Variants in ABLIM1 observed in about 807,000 individuals in gnomAD.
ABLIM1 encodes the protein actin-binding LIM protein 1.
ABLIM1 carries 40 observed loss-of-function variants against 107.0 expected under a neutral mutation model. The observed-to-expected ratio is 0.37, with a 90% confidence interval of 0.29 to 0.49. The LOEUF (loss-of-function observed/expected upper bound fraction) is 0.49, where lower values mean the gene tolerates loss of function less well. ABLIM1 is among the 20% of genes least tolerant of loss of function. The pLI is 0.97. For synonymous variants in ABLIM1, 357 were observed against 357.3 expected (o/e 1.00, Z 0.01); for missense variants, 857 against 1,008.5 (o/e 0.85, Z 2.04).
chr10:114,636,045 G>A (rs1164149093), intron 1 of ABLIM1, among the ~76,000 whole-genome samples: 12 of 152,192 alleles, frequency 7.9e-5, no homozygotes, highest in Admixed American at 2.6e-4. Flanking sequence ...ACCATCTAGC[G>A]GAGGAGATAT....
chr10:114,685,726 C>T (rs2080918551), upstream of ABLIM1, among the ~76,000 whole-genome samples: 2 of 152,200 alleles, frequency 1.3e-5, no homozygotes, highest in South Asian at 2.1e-4. Context: ...TGCCAAAGGC[C>T]AGTCGCATCA....
rs1435627884 is a variant in ABLIM1 at position 114,433,470 on chromosome 10, C to T, written c.*2790G>A. On this transcript the variant is annotated 3_prime_UTR_variant, in exon 23 of 23. Coordinates refer to ENST00000533213, the MANE Select transcript of ABLIM1 (RefSeq NM_002313.7). ...GGTTTCCAATGACCCCTCCCCAGAG[C>T]AGAGCACTACTCTGCTTGCAGATAG... is the stretch of plus-strand genomic sequence containing the variant. 6.6e-6 allele frequency: 1 copy of T among 152,220 alleles called. No individual in the cohort carries two copies. Among genetic ancestry groups the T allele is most frequent in the Non-Finnish European group, 1.5e-5 (1 of 68,042 alleles). The allele number at this position is 152,220 out of a possible 1,614,324, so 9.4% of individuals were successfully genotyped here. A position where few individuals can be genotyped will look rare whatever the true frequency, so the allele number is the denominator to read the frequency against.
At chr10:114,493,114 G>A (rs1465378483) in intron 6 of ABLIM1, among the ~76,000 whole-genome samples, 1 of 152,116 alleles carries the variant, frequency 6.6e-6, no homozygotes, top group African/African-American at 2.4e-5. Flanking sequence ...GGAGGAGAGT[G>A]GCGAGAGAAG....
At chr10:114,696,182 T>C (rs2081189824) in intron 1 of ABLIM1, among the ~76,000 whole-genome samples, 1 of 152,200 alleles carries the variant, frequency 6.6e-6, no homozygotes, top group South Asian at 2.1e-4. Context: ...ACCCAGGGAA[T>C]GCCTCCCTCC....
the ABLIM1 span, among the ~76,000 whole-genome samples, chr10:114,785,092 C>T: frequency 6.6e-6 from 1 of 152,186 alleles, no homozygotes; most frequent in Non-Finnish European, 1.5e-5. Flanking sequence ...CCAAACAGTG[C>T]CACCTCGTAC....
chr10:114,463,365 G>C (rs2064366400), intron 12 of ABLIM1, among the ~76,000 whole-genome samples: 1 of 152,186 alleles, frequency 6.6e-6, no homozygotes, highest in Non-Finnish European at 1.5e-5. Flanking sequence ...AGTTTGCAAA[G>C]AGGTTCAGGT....
intron 11 of ABLIM1, among the ~76,000 whole-genome samples, chr10:114,467,139 A>G (rs760198723): frequency 3.3e-5 from 5 of 152,208 alleles, no homozygotes; most frequent in Non-Finnish European, 5.9e-5. Context: ...AGCCTGGGCA[A>G]CAGAGTGAGA....
chr10:114,577,826 T>C (rs149069508), intron 2 of ABLIM1, among the ~76,000 whole-genome samples: 85 of 152,324 alleles, frequency 5.6e-4, no homozygotes, highest in African/African-American at 1.9e-3. Flanking sequence ...CAGTGTTTGA[T>C]GTGACTCCCA....
intron 4 of ABLIM1, among the ~76,000 whole-genome samples, chr10:114,559,459 AAAAG>A (rs58147385): frequency 0.27 from 38,198 of 142,004 alleles, 7,748 homozygotes; most frequent in African/African-American, 0.56. Context: ...AAAAAAAAAA[AAAAG>A]AAAGAAAGAA....
chr10:114,710,666 C>G (rs1210023105), intron 1 of ABLIM1, among the ~76,000 whole-genome samples: 1 of 152,160 alleles, frequency 6.6e-6, no homozygotes, highest in Non-Finnish European at 1.5e-5. Context: ...CTTGTAGTCC[C>G]AGCTACTTGG....
intron 6 of ABLIM1, among the ~76,000 whole-genome samples, chr10:114,537,213 C>T (rs2066135920): frequency 6.6e-6 from 1 of 152,092 alleles, no homozygotes; most frequent in Non-Finnish European, 1.5e-5. Flanking sequence ...GTGTATGTCC[C>T]TATCTTCTGA....
rs984221091 is a variant in ABLIM1 at position 114,468,338 on chromosome 10, A to C, written c.1276-122T>G. The C allele has an allele frequency of 3.3e-6, 3 of 902,144 alleles. No homozygotes were observed. In the East Asian group the frequency reaches 7.9e-5, roughly 24 times the overall value. The allele number at this position is 902,144 out of a possible 1,614,324, so 55.9% of individuals were successfully genotyped here. A position where few individuals can be genotyped will look rare whatever the true frequency, so the allele number is the denominator to read the frequency against. On this transcript the variant is annotated intron_variant, in intron 10 of 22. Transcript: ENST00000533213. ...CGCCCAGGCTGGAGTGCAGTGGCGC[A>C]ATCTCGGTTTACTGCAATCTCCGCC... is the stretch of plus-strand genomic sequence containing the variant.
intron 1 of ABLIM1, among the ~76,000 whole-genome samples, chr10:114,728,516 TA>T (rs10628347): frequency 0.14 from 13,086 of 90,524 alleles, 707 homozygotes; most frequent in Middle Eastern, 0.19. Flanking sequence ...GATAAGGCAG[TA>T]AAAAAAAAAA....
chr10:114,752,438 TTTTTA>T (rs1361206472), intron 1 of ABLIM1, among the ~76,000 whole-genome samples: 1 of 152,236 alleles, frequency 6.6e-6, no homozygotes, highest in Non-Finnish European at 1.5e-5. Context: ...TTTATTTTTA[TTTTTA>T]TTTTAAGTTC....
intron 13 of ABLIM1, 40 bp from the exon 14 acceptor site, chr10:114,451,711 C>A: frequency 6.4e-7 from 1 of 1,556,412 alleles, no homozygotes; most frequent in South Asian, 1.2e-5. Flanking sequence ...TTATGGGAAC[C>A]AGTTCAGCGA....
rs191801961 is a variant in ABLIM1, at chr10:114,664,894, G to A, written c.64+19396C>T. On this transcript the variant is annotated intron_variant, in intron 1 of 23. Coordinates refer to the ABLIM1 transcript ENST00000369256. ...CACACTTTGGGAGGCCGAGGCGGGC[G>A]GATCACGAGGTCAGGAAATCCAGAC... Among the ~76,000 whole-genome samples, 1,448 of 150,984 alleles carry A rather than the reference G, an allele frequency of 9.6e-3. 28 individuals are homozygous for A. Among genetic ancestry groups the A allele is most frequent in the African/African-American group, 0.034 (1,390 of 41,190 alleles).
chr10:114,614,611 TCA>T (rs1392627408), intron 1 of ABLIM1, among the ~76,000 whole-genome samples: 1 of 152,194 alleles, frequency 6.6e-6, no homozygotes, highest in African/African-American at 2.4e-5. Flanking sequence ...AAGGGAGTTT[TCA>T]CAAACACAAC....
chr10:114,599,058 T>C (rs1432061799), intron 2 of ABLIM1, among the ~76,000 whole-genome samples: 1 of 152,150 alleles, frequency 6.6e-6, no homozygotes, highest in Non-Finnish European at 1.5e-5. Context: ...TAAACCACTT[T>C]CTTCAGATAT....
exon 1 of ABLIM1, chr10:114,684,650 A>T: frequency 8.5e-7 from 1 of 1,170,020 alleles, no homozygotes. Flanking sequence ...ACATCAGCTC[A>T]ATGACGCCAC....
Sources: allele counts gnomAD v4.1 joint callset (sites outside exome capture counted in the v4.1 genomes callset), GRCh38; gene constraint gnomAD v4.1.1; transcripts MANE v1.5; gene names NCBI Gene and HGNC (gene_info 2026-07-23, HGNC 2026-07-21).